PACC1: variants seen among roughly 807,000 people sequenced by gnomAD.
The protein encoded by PACC1 is proton activated chloride channel 1, also known as proton-activated chloride channel.
Under a neutral mutation model 39.7 loss-of-function variants are expected in PACC1, and 34 were observed. The ratio of observed to expected loss-of-function variants is 0.86; its 90% CI spans 0.65 to 1.14. PACC1 has a LOEUF of 1.14. Among genes scored for constraint, PACC1 ranks in the 50% most tolerant of loss-of-function variants. The pLI is 0.00. For missense variants in PACC1, 379 were observed against 436.4 expected, an observed-to-expected ratio of 0.87 and a Z score of 1.17; for synonymous variants, 127 against 160.6, an observed-to-expected ratio of 0.79 and a Z score of 1.58.
At chr1:212,389,603 T>C (rs1477725972) in intron 2 of PACC1, among the ~76,000 whole-genome samples, 5 of 152,072 alleles carry the variant, frequency 3.3e-5, no homozygotes, top group African/African-American at 1.2e-4. Context: ...AACACCAAGA[T>C]GACCCAGTGT....
chr1:212,411,554 CTG>C (rs1276360295), intron 1 of PACC1, among the ~76,000 whole-genome samples: 1 of 152,098 alleles, frequency 6.6e-6, no homozygotes, highest in African/African-American at 2.4e-5. Flanking sequence ...CAACAAGTCT[CTG>C]TAGGATTAAG....
rs1660184553 is a variant in PACC1 at position 212,365,142 on chromosome 1, G to C, written c.*73C>G. 1.3e-6 allele frequency: 2 copies of C among 1,482,518 alleles called. No individual in the cohort carries two copies. Among genetic ancestry groups the C allele is most frequent in the East Asian group, 2.3e-5 (1 of 43,924 alleles). The allele number at this position is 1,482,518 out of a possible 1,614,324, so 91.8% of individuals were successfully genotyped here. A position where few individuals can be genotyped will look rare whatever the true frequency, so the allele number is the denominator to read the frequency against. Reference sequence around the variant, plus strand: ...TCAAGTGAGTACAGGATTGTTGATAGCTCCGTTTACAAAGTGGAAGTGATG... The same window carrying C: ...TCAAGTGAGTACAGGATTGTTGATACCTCCGTTTACAAAGTGGAAGTGATG... On this transcript the variant is annotated 3_prime_UTR_variant, in exon 8 of 8. Transcript: ENST00000261455.
chr1:212,409,783 G>C (rs1368763253), intron 2 of PACC1, among the ~76,000 whole-genome samples: 1 of 152,176 alleles, frequency 6.6e-6, no homozygotes, highest in Non-Finnish European at 1.5e-5. Context: ...TCACGTGTGA[G>C]CAAGCAGTGG....
intron 2 of PACC1, chr1:212,387,677 G>A (rs1281070258): frequency 6.5e-6 from 1 of 152,968 alleles, no homozygotes; most frequent in Middle Eastern, 3.4e-3. Context: ...AGCCCCGAAA[G>A]CTTTTTGCTT....
rs564373253 is a variant in PACC1, at chr1:212,384,284, G to A, written c.495+990C>T. Among the ~76,000 whole-genome samples the A allele has an allele frequency of 1.1e-4, 17 of 151,416 alleles. No homozygotes were observed. In the South Asian group the frequency reaches 1.9e-3, roughly 17 times the overall value. On this transcript the variant is annotated intron_variant, in intron 4 of 7. Transcript: ENST00000261455. ...GCAGGATTTTAGGAGGGGGCCTAGCGTTCACATACTAACAAAAAAAAAATT... is the reference window on the plus strand; with the variant it reads ...GCAGGATTTTAGGAGGGGGCCTAGCATTCACATACTAACAAAAAAAAAATT...
chr1:212,378,953 T>C (rs968891025), intron 5 of PACC1, among the ~76,000 whole-genome samples: 2 of 103,024 alleles, frequency 1.9e-5, no homozygotes, highest in African/African-American at 2.7e-5. Context: ...TATGATTTCC[T>C]TTTTTTTTTT....
intron 2 of PACC1, among the ~76,000 whole-genome samples, chr1:212,402,285 C>T (rs781347072): frequency 1.5e-4 from 23 of 152,302 alleles, no homozygotes; most frequent in Non-Finnish European, 2.6e-4. Context: ...CTATCAGCAA[C>T]GTATGGGGGT....
At chr1:212,400,400 G>A (rs1051711589) in intron 2 of PACC1, among the ~76,000 whole-genome samples, 1 of 152,152 alleles carries the variant, frequency 6.6e-6, no homozygotes, top group Non-Finnish European at 1.5e-5. Flanking sequence ...ATTCATCTGG[G>A]AGAGGTACTT....
At chr1:212,390,493 AGTCTACAGCTCCC>A (rs1661274081) in intron 2 of PACC1, among the ~76,000 whole-genome samples, 1 of 151,858 alleles carries the variant, frequency 6.6e-6, no homozygotes, top group South Asian at 2.1e-4. Context: ...GAACAGCTCC[AGTCTACAGCTCCC>A]AGCGAGAGAG....
rs1471797440 is a variant in PACC1 at position 212,364,664 on chromosome 1, C to T, written c.*551G>A. ...AACTTAATTACTAGTTTCTAGTAGCCTTAAAGTCTCATTTAACATTTAACA... is the reference window on the plus strand; with the variant it reads ...AACTTAATTACTAGTTTCTAGTAGCTTTAAAGTCTCATTTAACATTTAACA... On this transcript the variant is annotated 3_prime_UTR_variant, in exon 8 of 8. Coordinates refer to ENST00000261455, the MANE Select transcript of PACC1 (RefSeq NM_018252.3). 1 of 152,580 alleles carries T rather than the reference C, an allele frequency of 6.6e-6. No individual in the cohort carries two copies. The highest frequency in any genetic ancestry group is 1.5e-5 in the Non-Finnish European group (1 of 68,028). The allele number at this position is 152,580 out of a possible 1,614,324, so 9.5% of individuals were successfully genotyped here. A position where few individuals can be genotyped will look rare whatever the true frequency, so the allele number is the denominator to read the frequency against.
chr1:212,379,093 G>A (rs1202039075), intron 5 of PACC1, among the ~76,000 whole-genome samples: 7 of 151,770 alleles, frequency 4.6e-5, no homozygotes, highest in Admixed American at 1.3e-4. Flanking sequence ...ACAGGTGCCC[G>A]CTACCACGCC....
At chr1:212,374,288 T>C (rs1348153028) in intron 7 of PACC1, among the ~76,000 whole-genome samples, 1 of 151,980 alleles carries the variant, frequency 6.6e-6, no homozygotes, top group Non-Finnish European at 1.5e-5. Flanking sequence ...CTGGAGAACA[T>C]TATGTTAAGT....
Position 212,365,351 on chromosome 1 carries a change from G to T in PACC1, c.917C>A (p.Thr306Lys). The T allele has an allele frequency of 6.2e-7, 1 of 1,611,232 alleles. No homozygotes were observed. The highest frequency in any genetic ancestry group is 8.5e-7 in the Non-Finnish European group (1 of 1,178,842). ...GAAGGCGCCACAGAGAAGAGCAATT[G>T]TGTTCCAAGGATTGGCAGTGACTAT... The part of the protein sequence containing the change: ...QDIVTANPWN[T>K]IALLCGAFLA... The change falls in exon 8 of 8, where the codon ACA becomes AAA. Residue 306 changes from threonine (T) to lysine (K), a missense_variant. Transcript: ENST00000261455.
At chr1:212,378,196 C>T (rs771694611) in intron 5 of PACC1, among the ~76,000 whole-genome samples, 3 of 152,234 alleles carry the variant, frequency 2.0e-5, no homozygotes, top group Non-Finnish European at 4.4e-5. Flanking sequence ...GGGTCACCTA[C>T]AGCATCAGCC....
intron 2 of PACC1, among the ~76,000 whole-genome samples, chr1:212,408,805 G>A (rs537010000): frequency 6.6e-6 from 1 of 152,220 alleles, no homozygotes; most frequent in Non-Finnish European, 1.5e-5. Context: ...TCTTTATGGC[G>A]TGGTCAAGGC....
chr1:212,404,201 G>C lies in PACC1; in HGVS notation c.133+6224C>G, dbSNP rs530415220. On this transcript the variant is annotated intron_variant, in intron 2 of 7. Coordinates refer to ENST00000261455, the MANE Select transcript of PACC1 (RefSeq NM_018252.3). Reference sequence around the variant, plus strand: ...AGCTCACTGCAAGCTCTGCCTCCCAGGTTCACGCCATTCTCCTGCCTCAGC... The same window carrying C: ...AGCTCACTGCAAGCTCTGCCTCCCACGTTCACGCCATTCTCCTGCCTCAGC... Among the ~76,000 whole-genome samples, 21 of 152,076 alleles carry C rather than the reference G, an allele frequency of 1.4e-4. No individual in the cohort carries two copies. In the South Asian group the frequency reaches 1.7e-3, roughly 12 times the overall value.
chr1:212,393,319 C>T (rs1037822128), intron 2 of PACC1, among the ~76,000 whole-genome samples: 27 of 152,200 alleles, frequency 1.8e-4, no homozygotes, highest in Non-Finnish European at 3.7e-4. Context: ...AACTGAACAA[C>T]CTGCTCCTGA....
intron 4 of PACC1, among the ~76,000 whole-genome samples, chr1:212,384,813 C>A (rs556758542): frequency 6.6e-6 from 1 of 152,342 alleles, no homozygotes; most frequent in South Asian, 2.1e-4. Flanking sequence ...CCCAGACCGA[C>A]GCTCCTTTAC....
intron 2 of PACC1, among the ~76,000 whole-genome samples, chr1:212,407,999 G>A (rs1296871277): frequency 6.6e-6 from 1 of 151,562 alleles, no homozygotes; most frequent in Non-Finnish European, 1.5e-5. Context: ...ACTTGAACCT[G>A]GGAGGCAGAG....
Sources: gnomAD v4.1 joint callset for allele counts (sites outside exome capture counted in the v4.1 genomes callset) on GRCh38, gnomAD v4.1.1 for gene constraint, MANE v1.5 for transcripts, NCBI Gene and HGNC (gene_info 2026-07-23, HGNC 2026-07-21) for gene names.